GALM: variants seen among roughly 807,000 people sequenced by gnomAD.
GALM encodes galactose mutarotase.
GALM carries 43 observed loss-of-function variants against 37.4 expected under a neutral mutation model. The observed-to-expected ratio is 1.15, with a 90% confidence interval of 0.90 to 1.48. The LOEUF is 1.48. Ranked by LOEUF, GALM falls within the 40% of genes most tolerant of loss-of-function variation. The pLI is 0.00. For missense variants in GALM, 456 were observed against 419.1 expected (o/e 1.09, Z -0.77); for synonymous variants, 199 against 170.6 (o/e 1.17, Z -1.30).
intron 4 of GALM, among the ~76,000 whole-genome samples, chr2:38,694,365 C>T (rs1665753057): frequency 6.6e-6 from 1 of 152,132 alleles, no homozygotes; most frequent in African/African-American, 2.4e-5. Context: ...GCTCTTTTGC[C>T]ACCTTTTGTA....
chr2:38,688,467 C>T (rs552775436), intron 3 of GALM, among the ~76,000 whole-genome samples: 7 of 151,788 alleles, frequency 4.6e-5, no homozygotes, highest in East Asian at 3.9e-4. Context: ...GCCGAGATCG[C>T]GCCATTGCAT....
chr2:38,670,236 T>G (rs1572507513), intron 1 of GALM, among the ~76,000 whole-genome samples: 1 of 152,204 alleles, frequency 6.6e-6, no homozygotes, highest in East Asian at 1.9e-4. Context: ...CTGAAAATAT[T>G]TGCTTATAAG....
intron 6 of GALM, among the ~76,000 whole-genome samples, chr2:38,733,178 C>T (rs1390209800): frequency 6.7e-6 from 1 of 149,026 alleles, no homozygotes; most frequent in Non-Finnish European, 1.5e-5. Context: ...CTGAGATCGC[C>T]CCACTGCACT....
intron 3 of GALM, among the ~76,000 whole-genome samples, chr2:38,686,318 T>C (rs1330370051): frequency 6.7e-6 from 1 of 149,474 alleles, no homozygotes; most frequent in Non-Finnish European, 1.5e-5. Context: ...CAGGCTGGAG[T>C]GCAGTGGCGC....
At chr2:38,708,158 G>A (rs1252925092) in intron 4 of GALM, among the ~76,000 whole-genome samples, 2 of 132,926 alleles carry the variant, frequency 1.5e-5, no homozygotes, top group African/African-American at 2.6e-5. Context: ...AAAAAAGCCT[G>A]GCATGGTGGC....
intron 3 of GALM, among the ~76,000 whole-genome samples, chr2:38,689,467 G>C (rs1368104945): frequency 1.3e-5 from 2 of 152,188 alleles, no homozygotes; most frequent in Non-Finnish European, 2.9e-5. Flanking sequence ...ACCAGTCATT[G>C]CTCTTCTGTT....
intron 4 of GALM, among the ~76,000 whole-genome samples, chr2:38,723,802 CA>C (rs58412668): frequency 0.89 from 135,078 of 151,252 alleles, 60,335 homozygotes; most frequent in East Asian, 0.99. Flanking sequence ...AAAAAACAAA[CA>C]AAAAAAAAAG....
chr2:38,712,660 A>AC (rs998893045), intron 4 of GALM, among the ~76,000 whole-genome samples: 2 of 152,064 alleles, frequency 1.3e-5, no homozygotes, highest in Non-Finnish European at 2.9e-5. Flanking sequence ...CCTGCTTCTG[A>AC]CTCCAGCAGT....
intron 1 of GALM, chr2:38,669,200 G>C (rs2148422458): frequency 6.6e-6 from 1 of 152,356 alleles, no homozygotes; most frequent in South Asian, 2.1e-4. Flanking sequence ...TCCACAGGCA[G>C]ACAGCCCGGC....
At chr2:38,692,842 G>A (rs1665708514) in intron 4 of GALM, among the ~76,000 whole-genome samples, 1 of 152,212 alleles carries the variant, frequency 6.6e-6, no homozygotes, top group Non-Finnish European at 1.5e-5. Flanking sequence ...GAGTGAGGAG[G>A]AGAAAGGTGT....
chr2:38,731,932 C>T, intron 6 of GALM, 23 bp downstream of exon 6: 5 of 1,605,932 alleles, frequency 3.1e-6, no homozygotes, highest in Non-Finnish European at 4.3e-6. Flanking sequence ...GCTGGCTTTT[C>T]AGAGTAGAGT....
intron 4 of GALM, among the ~76,000 whole-genome samples, chr2:38,716,250 C>T (rs1172586434): frequency 1.3e-5 from 2 of 152,240 alleles, no homozygotes; most frequent in Non-Finnish European, 2.9e-5. Context: ...AGCTTCTGCG[C>T]CTTTCGCGTG....
At chr2:38,693,176 C>T (rs12619390) in intron 4 of GALM, among the ~76,000 whole-genome samples, 8,312 of 152,232 alleles carry the variant, frequency 0.055, 305 homozygotes, top group East Asian at 0.2. Context: ...TTTCCTGAGA[C>T]GTGCTACAAG....
intron 1 of GALM, chr2:38,668,184 T>A (rs567411340): frequency 7.2e-5 from 11 of 152,348 alleles, no homozygotes; most frequent in African/African-American, 1.4e-4. Context: ...TTGGCTTTTT[T>A]ATGTATTTTT....
chr2:38,730,656 C>T (rs1460636775), intron 5 of GALM, among the ~76,000 whole-genome samples: 1 of 152,132 alleles, frequency 6.6e-6, no homozygotes, highest in Non-Finnish European at 1.5e-5. Flanking sequence ...CGTGGTGGCT[C>T]ATGCCTGTAA....
At chr2:38,675,826 C>A (rs1558577883) in intron 1 of GALM, 86 bp from the exon 2 acceptor site, 4 of 1,290,292 alleles carry the variant, frequency 3.1e-6, no homozygotes, top group Middle Eastern at 2.1e-4. Flanking sequence ...GCCTCGGCCT[C>A]CCATAGTGCT....
chr2:38,691,322 G>C (rs919104075), intron 4 of GALM, among the ~76,000 whole-genome samples: 3 of 152,188 alleles, frequency 2.0e-5, no homozygotes, highest in African/African-American at 7.2e-5. Context: ...TATTTTACTT[G>C]ATTGTAAAAA....
At chr2:38,671,490 C>T (rs982767001) in intron 1 of GALM, 1 of 152,160 alleles carries the variant, frequency 6.6e-6, no homozygotes, top group African/African-American at 2.4e-5. Context: ...CATCAGCTCT[C>T]GTGAGAACTC....
At chr2:38,706,300 G>C (rs1666035154) in intron 4 of GALM, among the ~76,000 whole-genome samples, 1 of 149,986 alleles carries the variant, frequency 6.7e-6, no homozygotes, top group Non-Finnish European at 1.5e-5. Flanking sequence ...ACCACACCCA[G>C]CTGGAATTTT....
Sources: allele counts gnomAD v4.1 joint callset (sites outside exome capture counted in the v4.1 genomes callset), GRCh38; gene constraint gnomAD v4.1.1; transcripts MANE v1.5; gene names NCBI Gene and HGNC (gene_info 2026-07-23, HGNC 2026-07-21).